The following CUX1 variants were observed in gnomAD, a reference collection of about 807,000 sequenced individuals.
CUX1 encodes the protein cut like homeobox 1.
CUX1 carries 31 observed loss-of-function variants against 158.8 expected under a neutral mutation model. That is an observed-to-expected ratio of 0.20 (90% confidence interval 0.15 to 0.26). The LOEUF (loss-of-function observed/expected upper bound fraction) is 0.26, where lower values mean the gene tolerates loss of function less well. Among genes scored for constraint, CUX1 ranks in the 10% least tolerant of loss-of-function variants. CUX1 has a pLI of 1.00. For synonymous variants in CUX1, 879 were observed against 862.1 expected (o/e 1.02, Z -0.34); for missense variants, 1,589 against 2,014.6 (o/e 0.79, Z 4.04).
At chr7:101,856,317 T>C (rs535642271) in intron 1 of CUX1, among the ~76,000 whole-genome samples, 10 of 151,700 alleles carry the variant, frequency 6.6e-5, no homozygotes, top group East Asian at 3.9e-4. Context: ...ATAACCAGAA[T>C]GTTATTCCAC....
intron 3 of CUX1, among the ~76,000 whole-genome samples, chr7:102,047,217 T>C (rs1392103639): frequency 2.6e-5 from 4 of 152,160 alleles, no homozygotes; most frequent in African/African-American, 7.2e-5. Context: ...GGCACAGTGC[T>C]TGGCGCTCTG....
intron 1 of CUX1, chr7:101,822,489 A>G (rs1473915572): frequency 3.3e-5 from 5 of 152,224 alleles, no homozygotes; most frequent in African/African-American, 1.2e-4. Flanking sequence ...CGTTCCCCTC[A>G]TTTGTCCTGC....
intron 2 of CUX1, among the ~76,000 whole-genome samples, chr7:101,949,696 A>G (rs1034079605): frequency 4.0e-5 from 6 of 151,706 alleles, no homozygotes. Flanking sequence ...ATGCCCAGCT[A>G]ATTTTTGTAT....
intron 2 of CUX1, among the ~76,000 whole-genome samples, chr7:102,000,760 T>C (rs1248842688): frequency 6.6e-6 from 1 of 152,024 alleles, no homozygotes; most frequent in Non-Finnish European, 1.5e-5. Flanking sequence ...TAAGGGAAGG[T>C]TTTGTTTTTG....
chr7:101,911,404 G>A (rs553265463), intron 1 of CUX1, among the ~76,000 whole-genome samples: 28 of 152,312 alleles, frequency 1.8e-4, no homozygotes, highest in Non-Finnish European at 3.5e-4. Context: ...TGGCCCTGCC[G>A]TGGATGACCT....
In CUX1 at chr7:102,257,913, T is replaced by C. The variant is rs1389292406; in HGVS notation, c.*8871T>C. On this transcript the variant is annotated 3_prime_UTR_variant, in exon 24 of 24. Transcript: ENST00000292535. ...AAAAAGTCGTCTTTTTTTTTTTTTT[T>C]TGTACAAATCGCTTTGAGATGCCTC... The C allele has an allele frequency of 2.3e-4, 231 of 983,804 alleles. No individual in the cohort carries two copies. The highest frequency in any genetic ancestry group is 2.7e-4 in the Non-Finnish European group (226 of 829,246). 60.9% of individuals were successfully genotyped at this position (983,804 alleles called of 1,614,324 possible).
At chr7:102,052,082 G>A (rs180678533) in intron 3 of CUX1, among the ~76,000 whole-genome samples, 209 of 152,200 alleles carry the variant, frequency 1.4e-3, no homozygotes, top group African/African-American at 4.7e-3. Flanking sequence ...TTAGCCAAGC[G>A]TGGTGGTGGG....
At position 101,899,710 on chromosome 7, in the gene CUX1, G is replaced by A. The variant is rs1295460908; in HGVS notation, c.31-16405G>A. Among the ~76,000 whole-genome samples, 8 of 152,278 alleles carry A rather than the reference G, an allele frequency of 5.3e-5. No homozygotes were observed. The East Asian group carries it at 5.8e-4, about 11-fold the overall frequency. ...ACATAAGAACTCACGTCTAGAGTTC[G>A]AGAAAAACCGGTGATGAGAACTTGA... On this transcript the variant is annotated intron_variant, in intron 1 of 23. Coordinates refer to ENST00000292535, the MANE Select transcript of CUX1 (RefSeq NM_181552.4).
At chr7:101,877,756 TTGTGTGTGTGTGTGTGTGTGTGTG>T (rs112494807) in intron 1 of CUX1, among the ~76,000 whole-genome samples, 14 of 148,828 alleles carry the variant, frequency 9.4e-5, no homozygotes, top group African/African-American at 2.7e-4. Flanking sequence ...ATCCCTCCAA[TTGTGTGTGTGTGTGTGTGTGTGTG>T]TGTGTGTGTG....
At chr7:101,973,921 A>G (rs1812332155) in intron 2 of CUX1, among the ~76,000 whole-genome samples, 1 of 151,862 alleles carries the variant, frequency 6.6e-6, no homozygotes, top group Admixed American at 6.5e-5. Context: ...GGTGTCCGCC[A>G]CCATGCCTGG....
intron 3 of CUX1, among the ~76,000 whole-genome samples, chr7:102,039,104 T>C (rs1045847170): frequency 4.6e-5 from 7 of 152,146 alleles, no homozygotes; most frequent in Non-Finnish European, 1.0e-4. Context: ...GAAAAGCATA[T>C]GGATTTATTT....
rs1280458022 is a variant in CUX1, at chr7:102,162,021, G to A, written c.723+3413G>A. Among the ~76,000 whole-genome samples, 3 of 152,118 alleles carry A rather than the reference G, an allele frequency of 2.0e-5. No homozygotes were observed. The East Asian group carries it at 5.8e-4, about 29-fold the overall frequency. On this transcript the variant is annotated intron_variant, in intron 9 of 23. Transcript: ENST00000292535. ...AGGGGCTCTAACATAAAAAGAACTA[G>A]GGGGTTCGGAGACGTTCCTAATCTT... is the stretch of plus-strand genomic sequence containing the variant.
At chr7:102,042,231 G>T (rs1160061388) in intron 3 of CUX1, among the ~76,000 whole-genome samples, 1 of 152,182 alleles carries the variant, frequency 6.6e-6, no homozygotes, top group African/African-American at 2.4e-5. Flanking sequence ...TATGAGAATT[G>T]CTCACATGTT....
intron 1 of CUX1, among the ~76,000 whole-genome samples, chr7:101,826,494 G>A (rs184543416): frequency 2.1e-4 from 32 of 152,218 alleles, no homozygotes; most frequent in African/African-American, 5.8e-4. Context: ...GAACCACTGC[G>A]CCCGGCCTTC....
intron 3 of CUX1, among the ~76,000 whole-genome samples, chr7:102,060,045 G>C (rs867644736): frequency 6.6e-6 from 1 of 152,114 alleles, no homozygotes; most frequent in African/African-American, 2.4e-5. Context: ...GGAGGCCGAG[G>C]TGGGCGGATC....
intron 1 of CUX1, chr7:101,822,543 T>A (rs1169205289): frequency 2.0e-5 from 3 of 152,170 alleles, no homozygotes; most frequent in African/African-American, 7.2e-5. Flanking sequence ...CTTAAAAGAT[T>A]TTTAAAAAGC....
intron 2 of CUX1, among the ~76,000 whole-genome samples, chr7:102,015,883 C>T (rs115348757): frequency 7.2e-5 from 11 of 152,090 alleles, no homozygotes; most frequent in Admixed American, 7.2e-4. Context: ...GGCGCGATCA[C>T]GACTCACTGC....
chr7:102,102,954 T>G (rs169307), intron 5 of CUX1, among the ~76,000 whole-genome samples: 95,383 of 151,682 alleles, frequency 0.63, 31,559 homozygotes, highest in African/African-American at 0.8. Flanking sequence ...GGCGCAGGTG[T>G]AGTTGTCCTG....
chr7:101,881,862 C>T (rs991179836), intron 1 of CUX1, among the ~76,000 whole-genome samples: 2 of 152,074 alleles, frequency 1.3e-5, no homozygotes, highest in Non-Finnish European at 2.9e-5. Flanking sequence ...ATAGAACAGC[C>T]GAACCATTCT....
Sources: gnomAD v4.1 joint callset for allele counts (sites outside exome capture counted in the v4.1 genomes callset) on GRCh38, gnomAD v4.1.1 for gene constraint, MANE v1.5 for transcripts, NCBI Gene and HGNC (gene_info 2026-07-23, HGNC 2026-07-21) for gene names.